The following ZNF717 variants were observed in gnomAD, a reference collection of about 807,000 sequenced individuals.
ZNF717 encodes the protein krueppel-like factor X17.
A neutral mutation model predicts 13.8 loss-of-function variants in ZNF717; 9 were observed. The ratio of observed to expected loss-of-function variants is 0.65; its 90% CI spans 0.39 to 1.14. The LOEUF is 1.14. Ranked by LOEUF, ZNF717 falls within the 50% of genes most tolerant of loss-of-function variation. The pLI, the probability that ZNF717 is intolerant of heterozygous loss-of-function variation, is 0.01. For missense variants in ZNF717, 1,040 were observed against 1,080.7 expected (o/e 0.96, Z 0.53); for synonymous variants, 327 against 364.1 (o/e 0.90, Z 1.16).
chr3:75,732,379 G>A (rs1327614070), downstream of ZNF717, among the ~76,000 whole-genome samples: 12 of 152,226 alleles, frequency 7.9e-5, no homozygotes, highest in Non-Finnish European at 1.5e-4. Flanking sequence ...AGGCCCAGTC[G>A]TAAGACTCCA....
chr3:75,768,286 C>T (rs560002662), intron 2 of ZNF717, among the ~76,000 whole-genome samples: 1 of 150,230 alleles, frequency 6.7e-6, no homozygotes, highest in South Asian at 2.1e-4. Flanking sequence ...ATTCAGTCCT[C>T]ACTGTGGCTG....
At chr3:75,758,500 C>T (rs1387412306) in intron 2 of ZNF717, among the ~76,000 whole-genome samples, 2 of 152,148 alleles carry the variant, frequency 1.3e-5, no homozygotes, top group Non-Finnish European at 2.9e-5. Flanking sequence ...GTTGGTACAG[C>T]AGTACGAAGG....
In ZNF717 at chr3:75,760,348, A is replaced by AT. The variant is rs1190480517; in HGVS notation, c.58-18613dup. 1.5e-4 allele frequency among the ~76,000 whole-genome samples: 23 copies of AT among 152,308 alleles called. No homozygotes were observed. The East Asian group carries it at 4.5e-3, about 30-fold the overall frequency. Reference sequence around the variant, plus strand: ...TGTGAGCCACTGTGCCTGGCCTGGAATTTTTTTCTAAAGTTTACATTTCTG... The same window carrying AT: ...TGTGAGCCACTGTGCCTGGCCTGGAATTTTTTTTCTAAAGTTTACATTTCTG... On this transcript the variant is annotated intron_variant, in intron 2 of 4. Transcript: ENST00000652011.
chr3:75,765,035 A>ATGTGTGTGTGTGTG lies in ZNF717; in HGVS notation c.57+18257_57+18270dup, dbSNP rs150835839. On this transcript the variant is annotated intron_variant, in intron 2 of 4. Coordinates refer to ENST00000652011, the MANE Select transcript of ZNF717 (RefSeq NM_001290208.3). ...TATATATATATATATATATATGTAT[A>ATGTGTGTGTGTGTG]TGTGTGTGTGTGTGTGTGTGTGTAT... is the stretch of plus-strand genomic sequence containing the variant. Among the ~76,000 whole-genome samples the ATGTGTGTGTGTGTG allele has an allele frequency of 2.8e-4, 23 of 81,792 alleles. No individual in the cohort carries two copies. In the East Asian group the frequency reaches 6.7e-3, roughly 24 times the overall value. The allele number at this position is 81,792 out of a possible 152,430, so 53.7% of individuals were successfully genotyped here. A position where few individuals can be genotyped will look rare whatever the true frequency, so the allele number is the denominator to read the frequency against.
chr3:75,768,722 G>A (rs1169670408), intron 2 of ZNF717, among the ~76,000 whole-genome samples: 1 of 150,936 alleles, frequency 6.6e-6, no homozygotes, highest in Non-Finnish European at 1.5e-5. Flanking sequence ...TGAGTGTGTG[G>A]GGGGTAGATG....
At chr3:75,735,632 C>CAA (rs1406063404), downstream of ZNF717, among the ~76,000 whole-genome samples, 3 of 25,422 alleles carry the variant, frequency 1.2e-4, no homozygotes, top group South Asian at 2.0e-3. Context: ...GTGACTGTCT[C>CAA]AATAAAAAAA....
intron 2 of ZNF717, among the ~76,000 whole-genome samples, chr3:75,774,610 G>GTTTT (rs537149833): frequency 8.7e-5 from 7 of 80,218 alleles, no homozygotes; most frequent in African/African-American, 1.0e-4. Flanking sequence ...AATTCTTGTG[G>GTTTT]TTTTTTTTTT....
intron 2 of ZNF717, among the ~76,000 whole-genome samples, chr3:75,780,925 G>T (rs1272963419): frequency 6.6e-6 from 1 of 152,258 alleles, no homozygotes; most frequent in Non-Finnish European, 1.5e-5. Context: ...TTCTACTCAA[G>T]TCCTTGGTCC....
intron 2 of ZNF717, among the ~76,000 whole-genome samples, chr3:75,751,328 G>A (rs1207001992): frequency 1.3e-5 from 2 of 151,586 alleles, no homozygotes; most frequent in East Asian, 3.9e-4. Context: ...CCCTCACATA[G>A]GATTCCAGAG....
At chr3:75,731,847 C>T (rs1224644955), downstream of ZNF717, among the ~76,000 whole-genome samples, 2 of 152,118 alleles carry the variant, frequency 1.3e-5, no homozygotes, top group Admixed American at 1.3e-4. Context: ...CAAACCACTG[C>T]CCCCAAGATT....
rs1226926502 is a variant in ZNF717, at chr3:75,755,359, T to C, written c.58-13623A>G. 2.6e-5 allele frequency among the ~76,000 whole-genome samples: 4 copies of C among 152,228 alleles called. No homozygotes were observed. In the East Asian group the frequency reaches 5.8e-4, roughly 22 times the overall value. On this transcript the variant is annotated intron_variant, in intron 2 of 4. Transcript: ENST00000652011. ...ATAGATAATAATAAATACACACAGA[T>C]AGATTATGTATGCTTATACACAAGT...
chr3:75,749,514 C>G (rs1247949944), intron 2 of ZNF717, among the ~76,000 whole-genome samples: 2 of 151,818 alleles, frequency 1.3e-5, no homozygotes, highest in African/African-American at 4.8e-5. Context: ...ACATAGGACT[C>G]CACAACACTG....
intron 5 of ZNF717, among the ~76,000 whole-genome samples, chr3:75,712,873 T>C (rs1320330699): frequency 3.9e-5 from 6 of 152,092 alleles, no homozygotes; most frequent in Non-Finnish European, 2.9e-5. Context: ...ATAAAGAGCA[T>C]ATTTGTATGC....
At chr3:75,714,077 G>C (rs1017432836) in intron 5 of ZNF717, among the ~76,000 whole-genome samples, 5 of 152,112 alleles carry the variant, frequency 3.3e-5, no homozygotes, top group African/African-American at 1.2e-4. Flanking sequence ...CAGGCATACA[G>C]GATGGAACAT....
chr3:75,784,739 G>C (rs1248269652), intron 1 of ZNF717: 1 of 152,222 alleles, frequency 6.6e-6, no homozygotes, highest in African/African-American at 2.4e-5. Context: ...GCATTCTAGG[G>C]AGTAGAATTA....
intron 2 of ZNF717, among the ~76,000 whole-genome samples, chr3:75,755,719 T>G (rs909898382): frequency 1.1e-3 from 73 of 67,534 alleles, no homozygotes; most frequent in African/African-American, 3.0e-3. Flanking sequence ...TTAAAAAAAG[T>G]TTTAAAAAAA....
downstream of ZNF717, among the ~76,000 whole-genome samples, chr3:75,727,673 T>C (rs1252085173): frequency 3.3e-5 from 5 of 152,376 alleles, no homozygotes; most frequent in East Asian, 9.6e-4. Flanking sequence ...CTCTTGAACC[T>C]TGTTTCCTGT....
intron 2 of ZNF717, among the ~76,000 whole-genome samples, chr3:75,778,866 G>C (rs1239659495): frequency 2.6e-5 from 4 of 151,514 alleles, no homozygotes; most frequent in Admixed American, 2.0e-4. Context: ...AAAACAATGG[G>C]AGTGATGCGC....
At chr3:75,716,840 A>G (rs1366015462) in intron 4 of ZNF717, among the ~76,000 whole-genome samples, 3 of 152,210 alleles carry the variant, frequency 2.0e-5, no homozygotes, top group Non-Finnish European at 4.4e-5. Context: ...TGTCTTCTTC[A>G]TTCACAGAGA....
Sources: gnomAD v4.1 joint callset for allele counts (sites outside exome capture counted in the v4.1 genomes callset) on GRCh38, gnomAD v4.1.1 for gene constraint, MANE v1.5 for transcripts, NCBI Gene and HGNC (gene_info 2026-07-23, HGNC 2026-07-21) for gene names.